The following TENM3 variants were observed in gnomAD, a reference collection of about 807,000 sequenced individuals.
TENM3 encodes teneurin-3.
In TENM3, 63 loss-of-function variants were observed where a neutral mutation model predicts 255.1. The observed-to-expected ratio is 0.25, with a 90% CI of 0.20 to 0.30. The LOEUF is 0.30. Ranked by LOEUF, TENM3 falls within the 10% of genes least tolerant of loss-of-function variation. The probability of loss-of-function intolerance (pLI) is 1.00; values close to 1 mark genes in which losing one functional copy is unlikely to be tolerated. For synonymous variants in TENM3, 1,306 were observed against 1,322.3 expected, an observed-to-expected ratio of 0.99 and a Z score of 0.27; for missense variants, 2,929 against 3,461.1, an observed-to-expected ratio of 0.85 and a Z score of 3.86.
the TENM3 span, among the ~76,000 whole-genome samples, chr4:181,988,200 T>C: frequency 1.3e-5 from 2 of 152,104 alleles, no homozygotes; most frequent in Non-Finnish European, 2.9e-5. Flanking sequence ...AACTTCCTAA[T>C]GTTCCCTAAT....
intron 3 of TENM3, among the ~76,000 whole-genome samples, chr4:182,591,889 T>G (rs1032843050): frequency 6.6e-6 from 1 of 152,162 alleles, no homozygotes; most frequent in Non-Finnish European, 1.5e-5. Flanking sequence ...GTTTTTGTTT[T>G]CCGATGAGCT....
At chr4:182,715,266 C>T (rs892551920) in intron 13 of TENM3, among the ~76,000 whole-genome samples, 10 of 152,274 alleles carry the variant, frequency 6.6e-5, no homozygotes, top group East Asian at 1.9e-4. Flanking sequence ...ACACTTGCCA[C>T]GTGTGTTAGG....
upstream of TENM3, among the ~76,000 whole-genome samples, chr4:182,139,612 T>C (rs1274197326): frequency 6.6e-6 from 1 of 152,200 alleles, no homozygotes; most frequent in Non-Finnish European, 1.5e-5. Flanking sequence ...ATGATAACTC[T>C]TAAAAAGGTT....
At chr4:182,523,506 G>T (rs1738799420) in intron 3 of TENM3, among the ~76,000 whole-genome samples, 2 of 152,112 alleles carry the variant, frequency 1.3e-5, no homozygotes, top group African/African-American at 4.8e-5. Context: ...AAATTAGTGG[G>T]TACTGAGAAG....
chr4:181,534,695 A>G, the TENM3 span, among the ~76,000 whole-genome samples: 1 of 152,094 alleles, frequency 6.6e-6, no homozygotes, highest in South Asian at 2.1e-4. Flanking sequence ...CATTTACCAC[A>G]CAGTTTATTT....
chr4:181,890,468 G>A, the TENM3 span, among the ~76,000 whole-genome samples: 1 of 151,960 alleles, frequency 6.6e-6, no homozygotes, highest in Non-Finnish European at 1.5e-5. Context: ...TCAGTTGAAA[G>A]AAGAAAAAAA....
chr4:181,785,217 A>G, the TENM3 span, among the ~76,000 whole-genome samples: 1 of 152,182 alleles, frequency 6.6e-6, no homozygotes, highest in African/African-American at 2.4e-5. Flanking sequence ...AAGTAGATGC[A>G]TAGATAGATG....
rs201599498 is a variant in TENM3 at position 182,436,001 on chromosome 4, C to CT, written c.511+89081dup. 2.0e-3 allele frequency among the ~76,000 whole-genome samples: 304 copies of CT among 150,726 alleles called. 1 individual carries two copies. The highest frequency in any genetic ancestry group is 0.017 in the East Asian group (85 of 5,138). On this transcript the variant is annotated intron_variant, in intron 3 of 27. Coordinates refer to ENST00000511685, the MANE Select transcript of TENM3 (RefSeq NM_001080477.4). ...AACTCTAGGCACAGGAAAAATAGTG[C>CT]TTTTTTTTTCTTTTTACTAGATACA...
intron 2 of TENM3, among the ~76,000 whole-genome samples, chr4:182,334,418 T>A (rs1345842911): frequency 1.3e-5 from 2 of 152,170 alleles, no homozygotes; most frequent in Non-Finnish European, 1.5e-5. Context: ...TAATTTTAAT[T>A]GGCGTGAGTG....
At chr4:182,029,264 C>G in the TENM3 span, among the ~76,000 whole-genome samples, 1 of 152,084 alleles carries the variant, frequency 6.6e-6, no homozygotes, top group Non-Finnish European at 1.5e-5. Context: ...ACATTTCCCC[C>G]TCTTGCTCCA....
At chr4:182,208,241 C>A (rs541750688) in intron 1 of TENM3, among the ~76,000 whole-genome samples, 1 of 152,228 alleles carries the variant, frequency 6.6e-6, no homozygotes, top group South Asian at 2.1e-4. Context: ...GGTAATCACC[C>A]CATTAAGAAG....
intron 3 of TENM3, among the ~76,000 whole-genome samples, chr4:182,489,083 A>T (rs1191784679): frequency 6.6e-6 from 1 of 152,144 alleles, no homozygotes; most frequent in Non-Finnish European, 1.5e-5. Flanking sequence ...TCTGGACATA[A>T]GATACTTGGC....
chr4:182,206,126 A>C (rs1357518997), intron 1 of TENM3, among the ~76,000 whole-genome samples: 2 of 151,986 alleles, frequency 1.3e-5, no homozygotes, highest in African/African-American at 4.8e-5. Flanking sequence ...TCACATTTAA[A>C]ATGTCTGTGT....
the TENM3 span, among the ~76,000 whole-genome samples, chr4:182,112,002 A>C: frequency 0.1 from 15,887 of 152,098 alleles, 1,741 homozygotes; most frequent in African/African-American, 0.26. Context: ...ATTTTAAAAA[A>C]TTACTGGCTG....
intron 3 of TENM3, among the ~76,000 whole-genome samples, chr4:182,349,565 C>T (rs1765041311): frequency 1.3e-5 from 2 of 152,018 alleles, no homozygotes; most frequent in South Asian, 4.2e-4. Flanking sequence ...TGTGTCTTTC[C>T]CTTAAGCTGG....
At chr4:181,955,886 C>T in the TENM3 span, among the ~76,000 whole-genome samples, 1 of 152,092 alleles carries the variant, frequency 6.6e-6, no homozygotes, top group Admixed American at 6.6e-5. Flanking sequence ...ATGATATACA[C>T]TAAGGTTATT....
At chr4:181,872,146 C>A in the TENM3 span, among the ~76,000 whole-genome samples, 1 of 151,060 alleles carries the variant, frequency 6.6e-6, no homozygotes. Flanking sequence ...TTATATGTTT[C>A]ATAAAATTTT....
At chr4:182,325,399 A>G (rs1484129271) in intron 2 of TENM3, among the ~76,000 whole-genome samples, 1 of 152,232 alleles carries the variant, frequency 6.6e-6, no homozygotes, top group African/African-American at 2.4e-5. Flanking sequence ...AAGAAAACTC[A>G]TTTGATTCGC....
chr4:182,239,196 C>T (rs865789232), upstream of TENM3, among the ~76,000 whole-genome samples: 2 of 151,856 alleles, frequency 1.3e-5, no homozygotes, highest in African/African-American at 4.8e-5. Context: ...CCTGTCTTAG[C>T]CTCCCGAGTA....
Sources: allele counts gnomAD v4.1 joint callset (sites outside exome capture counted in the v4.1 genomes callset), GRCh38; gene constraint gnomAD v4.1.1; transcripts MANE v1.5; gene names NCBI Gene and HGNC (gene_info 2026-07-23, HGNC 2026-07-21).